The following VRK2 variants were observed in gnomAD, a reference collection of about 807,000 sequenced individuals.
VRK2 encodes serine/threonine-protein kinase VRK2.
Under a neutral mutation model 57.6 loss-of-function variants are expected in VRK2, and 60 were observed. The ratio of observed to expected loss-of-function variants is 1.04; its 90% CI spans 0.85 to 1.29. The LOEUF is 1.29. Ranked by LOEUF, VRK2 falls within the 50% of genes most tolerant of loss-of-function variation. VRK2 has a pLI of 0.00. For missense variants in VRK2, 705 were observed against 588.1 expected (o/e 1.20, Z -2.06); for synonymous variants, 231 against 199.2 (o/e 1.16, Z -1.35).
intron 8 of VRK2, among the ~76,000 whole-genome samples, chr2:58,128,849 G>A (rs1443557948): frequency 2.6e-5 from 4 of 152,092 alleles, no homozygotes; most frequent in Non-Finnish European, 4.4e-5. Context: ...GCATAGTAGC[G>A]GCTCTCCATA....
intron 8 of VRK2, among the ~76,000 whole-genome samples, chr2:58,125,315 C>A (rs1298973164): frequency 6.6e-6 from 1 of 152,046 alleles, no homozygotes; most frequent in African/African-American, 2.4e-5. Flanking sequence ...CAATTAATTT[C>A]ATTGTTTAGG....
exon 2 of VRK2, chr2:58,025,718 T>C (rs947219473): frequency 1.2e-4 from 18 of 152,338 alleles, no homozygotes; most frequent in South Asian, 4.1e-4. Flanking sequence ...TTTGGAATGC[T>C]TTCTCTTGGT....
At chr2:58,012,878 T>C (rs539605512) in intron 1 of VRK2, among the ~76,000 whole-genome samples, 9 of 152,350 alleles carry the variant, frequency 5.9e-5, no homozygotes, top group African/African-American at 2.2e-4. Context: ...GTTACCATTA[T>C]GCAGCCAGGT....
intron 1 of VRK2, among the ~76,000 whole-genome samples, chr2:57,994,333 A>G (rs925951454): frequency 5.9e-5 from 9 of 152,230 alleles, no homozygotes; most frequent in Non-Finnish European, 1.2e-4. Flanking sequence ...GTGTAAGTTT[A>G]AAGAGATAGG....
chr2:58,089,831 A>T (rs1032905660), intron 7 of VRK2, 108 bp downstream of exon 7: 2 of 706,440 alleles, frequency 2.8e-6, no homozygotes, highest in African/African-American at 3.6e-5. Context: ...GCGTAACATG[A>T]TGAATGTTGT....
chr2:58,112,930 G>T (rs1675790197), intron 7 of VRK2, among the ~76,000 whole-genome samples: 1 of 152,124 alleles, frequency 6.6e-6, no homozygotes, highest in Non-Finnish European at 1.5e-5. Flanking sequence ...AGCCTGTCTG[G>T]GTGTGGTTAT....
chr2:57,931,184 A>G (rs1213499759), intron 1 of VRK2, among the ~76,000 whole-genome samples: 1 of 151,948 alleles, frequency 6.6e-6, no homozygotes, highest in Non-Finnish European at 1.5e-5. Context: ...ACCATACGGT[A>G]GTTTTATTTT....
intron 3 of VRK2, among the ~76,000 whole-genome samples, chr2:58,036,612 T>A (rs915124720): frequency 1.3e-5 from 2 of 152,010 alleles, no homozygotes; most frequent in African/African-American, 4.8e-5. Context: ...ACAGAAATAC[T>A]ATGTAAAACC....
chr2:57,920,612 G>A (rs1241117753), intron 1 of VRK2, among the ~76,000 whole-genome samples: 1 of 152,074 alleles, frequency 6.6e-6, no homozygotes, highest in Non-Finnish European at 1.5e-5. Flanking sequence ...CATAGGGTAC[G>A]CAACTGGATC....
intron 11 of VRK2, among the ~76,000 whole-genome samples, chr2:58,145,138 C>G (rs554702516): frequency 6.6e-6 from 1 of 152,034 alleles, no homozygotes; most frequent in South Asian, 2.1e-4. Context: ...ATATAAGGAC[C>G]TTCGCTGTAG....
At chr2:58,080,248 T>C (rs2104096323) in intron 2 of VRK2, among the ~76,000 whole-genome samples, 1 of 152,092 alleles carries the variant, frequency 6.6e-6, no homozygotes, top group Middle Eastern at 3.4e-3. Flanking sequence ...CCAGAGAACG[T>C]AGCTTTAATA....
intron 1 of VRK2, among the ~76,000 whole-genome samples, chr2:57,910,836 T>C (rs1205376720): frequency 6.6e-6 from 1 of 152,132 alleles, no homozygotes; most frequent in Non-Finnish European, 1.5e-5. Flanking sequence ...TCTCACTAGA[T>C]GTCATCCTCT....
At chr2:57,957,060 T>G (rs1671608402) in intron 1 of VRK2, among the ~76,000 whole-genome samples, 1 of 152,066 alleles carries the variant, frequency 6.6e-6, no homozygotes, top group Non-Finnish European at 1.5e-5. Flanking sequence ...ACTACAAGAC[T>G]CAATAGAGGA....
intron 1 of VRK2, among the ~76,000 whole-genome samples, chr2:57,931,513 T>TATTA: frequency 6.6e-6 from 1 of 152,308 alleles, no homozygotes; most frequent in Non-Finnish European, 1.5e-5. Context: ...ATATTCTGAA[T>TATTA]ATTAACCCCA....
chr2:57,955,451 A>G (rs1671554985), intron 1 of VRK2, among the ~76,000 whole-genome samples: 2 of 152,198 alleles, frequency 1.3e-5, no homozygotes, highest in South Asian at 2.1e-4. Flanking sequence ...CAGGAATTAC[A>G]TTAGAAAACA....
intron 1 of VRK2, among the ~76,000 whole-genome samples, chr2:57,913,437 T>C (rs1670052500): frequency 6.6e-6 from 1 of 152,210 alleles, no homozygotes; most frequent in African/African-American, 2.4e-5. Flanking sequence ...ATTTTTTTTA[T>C]TTGATAGGAA....
chr2:57,993,271 A>G (rs940730864), intron 1 of VRK2, among the ~76,000 whole-genome samples: 1 of 152,202 alleles, frequency 6.6e-6, no homozygotes, highest in Non-Finnish European at 1.5e-5. Context: ...ACACAATCTT[A>G]TTTAGCTTAG....
intron 1 of VRK2, among the ~76,000 whole-genome samples, chr2:57,981,227 C>G (rs1434208940): frequency 6.6e-6 from 1 of 152,180 alleles, no homozygotes; most frequent in Non-Finnish European, 1.5e-5. Context: ...TAAGGCAGCT[C>G]TCCCATGGTA....
At chr2:58,058,086 A>G (rs1443309841) in intron 2 of VRK2, among the ~76,000 whole-genome samples, 1 of 152,140 alleles carries the variant, frequency 6.6e-6, no homozygotes, top group Non-Finnish European at 1.5e-5. Context: ...CATGCCTGCT[A>G]CCACTTGTTT....
Sources: allele counts gnomAD v4.1 joint callset (sites outside exome capture counted in the v4.1 genomes callset), GRCh38; gene constraint gnomAD v4.1.1; transcripts MANE v1.5; gene names NCBI Gene and HGNC (gene_info 2026-07-23, HGNC 2026-07-21).